COXFA4L3: variants seen among roughly 807,000 people sequenced by gnomAD.
COXFA4L3 encodes MIR147B host.
At chr15:45,432,954 ACAAT>A in the COXFA4L3 span, 1 of 1,613,466 alleles carries the variant, frequency 6.2e-7, no homozygotes, top group Non-Finnish European at 8.5e-7. Flanking sequence ...TCAGCTTATA[ACAAT>A]CAACCAACAA....
chr15:45,433,025 C>A, the COXFA4L3 span: 1 of 1,610,964 alleles, frequency 6.2e-7, no homozygotes, highest in Non-Finnish European at 8.5e-7. Context: ...GACGAGCCCT[C>A]GCCTCTTTCT....
the COXFA4L3 span, chr15:45,433,205 G>T: frequency 1.7e-6 from 1 of 598,718 alleles, no homozygotes; most frequent in Non-Finnish European, 3.1e-6. Context: ...AAAAGTTTGT[G>T]CTTATTTTCT....
At chr15:45,430,934 T>TTTGC in the COXFA4L3 span, 1 of 1,567,376 alleles carries the variant, frequency 6.4e-7, no homozygotes, top group Non-Finnish European at 8.7e-7. Context: ...ATACAGTTGT[T>TTTGC]TTGCTGTGTT....
chr15:45,431,409 T>C, the COXFA4L3 span: 2 of 215,084 alleles, frequency 9.3e-6, no homozygotes, highest in African/African-American at 4.6e-5. Flanking sequence ...GTTTTTTTTT[T>C]TTTAAGTTTT....
the COXFA4L3 span, chr15:45,433,040 A>C: frequency 1.3e-6 from 2 of 1,598,676 alleles, no homozygotes; most frequent in Admixed American, 1.7e-5. Flanking sequence ...CTTTCTTCTG[A>C]AGAGTACTCT....
the COXFA4L3 span, chr15:45,430,745 A>G: frequency 5.7e-6 from 9 of 1,578,888 alleles, no homozygotes; most frequent in East Asian, 1.8e-4. Flanking sequence ...CCAGGCGATC[A>G]ATACTTTGGA....
chr15:45,432,926 T>G, the COXFA4L3 span: 1 of 1,579,852 alleles, frequency 6.3e-7, no homozygotes, highest in Non-Finnish European at 8.5e-7. Context: ...AAGGTTTTTT[T>G]TTTTTCCTTT....
chr15:45,432,269 A>G, the COXFA4L3 span: 4 of 681,302 alleles, frequency 5.9e-6, no homozygotes, highest in African/African-American at 3.6e-5. Context: ...AAAATGAGGA[A>G]ATTTTAAGAG....
the COXFA4L3 span, chr15:45,433,018 G>A: frequency 1.9e-5 from 30 of 1,612,288 alleles, no homozygotes; most frequent in South Asian, 1.9e-4. Context: ...ACCAAATGAC[G>A]AGCCCTCGCC....
At chr15:45,433,233 C>A in the COXFA4L3 span, 1 of 503,912 alleles carries the variant, frequency 2.0e-6, no homozygotes, top group Admixed American at 3.5e-5. Flanking sequence ...TTGAATATTG[C>A]ATATTGAAAT....
the COXFA4L3 span, among the ~76,000 whole-genome samples, chr15:45,431,822 A>G: frequency 2.3e-3 from 353 of 152,298 alleles, 1 homozygote; most frequent in African/African-American, 6.3e-3. Context: ...TCCTTCCCCA[A>G]TGCAGCCCAA....
At chr15:45,432,537 C>T in the COXFA4L3 span, among the ~76,000 whole-genome samples, 1 of 152,146 alleles carries the variant, frequency 6.6e-6, no homozygotes, top group Non-Finnish European at 1.5e-5. Flanking sequence ...TAGTAGAACG[C>T]ACCTGTAAAC....
At chr15:45,430,991 T>TA in the COXFA4L3 span, 1 of 1,613,128 alleles carries the variant, frequency 6.2e-7, no homozygotes, top group African/African-American at 1.3e-5. Flanking sequence ...CTCCACCTGT[T>TA]ATTTGTTAGC....
At chr15:45,433,078 A>C in the COXFA4L3 span, 1 of 1,490,040 alleles carries the variant, frequency 6.7e-7, no homozygotes. Flanking sequence ...ATTTCTGCAC[A>C]AACTAGATTC....
chr15:45,430,851 T>C, the COXFA4L3 span: 3 of 1,605,168 alleles, frequency 1.9e-6, no homozygotes, highest in Non-Finnish European at 2.6e-6. Context: ...TAAAAACAAT[T>C]GAAAATCTTG....
the COXFA4L3 span, chr15:45,430,963 A>G: frequency 1.0e-5 from 16 of 1,593,810 alleles, no homozygotes; most frequent in Non-Finnish European, 1.2e-5. Flanking sequence ...TTCATATTGA[A>G]GTGTCCAAAT....
the COXFA4L3 span, chr15:45,430,911 A>C: frequency 1.9e-6 from 3 of 1,567,400 alleles, no homozygotes; most frequent in East Asian, 2.2e-5. Flanking sequence ...ATTTTGAACA[A>C]AGTATAAAAT....
chr15:45,433,077 C>G, the COXFA4L3 span: 6 of 1,486,448 alleles, frequency 4.0e-6, no homozygotes, highest in Non-Finnish European at 4.7e-6. Flanking sequence ...CATTTCTGCA[C>G]AAACTAGATT....
chr15:45,430,790 A>G, the COXFA4L3 span: 1 of 1,610,950 alleles, frequency 6.2e-7, no homozygotes, highest in Non-Finnish European at 8.5e-7. Flanking sequence ...TCTTCGCTGA[A>G]GTCATCATGA....
Sources: allele counts gnomAD v4.1 joint callset (sites outside exome capture counted in the v4.1 genomes callset), GRCh38; gene constraint gnomAD v4.1.1; transcripts MANE v1.5; gene names NCBI Gene and HGNC (gene_info 2026-07-23, HGNC 2026-07-21).